Variants in MAGI2 observed in about 807,000 individuals in gnomAD.
The protein encoded by MAGI2 is membrane associated guanylate kinase, WW and PDZ domain containing 2.
In MAGI2, 35 loss-of-function variants were observed where a neutral mutation model predicts 133.3. The observed-to-expected ratio is 0.26, with a 90% CI of 0.20 to 0.35. The LOEUF is 0.35. MAGI2 is among the 10% of genes least tolerant of loss of function. The pLI is 1.00. For missense variants in MAGI2, 1,636 were observed against 1,863.4 expected (o/e 0.88, Z 2.25); for synonymous variants, 729 against 710.6 (o/e 1.03, Z -0.41).
Position 78,018,898 on chromosome 7 carries a change from G to A in MAGI2, c.*417C>T. On this transcript the variant is annotated 3_prime_UTR_variant, in exon 22 of 22. Transcript: ENST00000354212. ...TCTCAGTTTCAGCTTGCTCCGTGCA[G>A]TTTGATTTTTAAGGCGATATTCCAG... 2.6e-6 allele frequency: 1 copy of A among 378,144 alleles called. No homozygotes were observed. Among genetic ancestry groups the A allele is most frequent in the Non-Finnish European group, 4.7e-6 (1 of 213,532 alleles). The allele number at this position is 378,144 out of a possible 1,614,324, so 23.4% of individuals were successfully genotyped here.
At chr7:78,658,021 T>C (rs1389414438) in intron 2 of MAGI2, among the ~76,000 whole-genome samples, 2 of 152,224 alleles carry the variant, frequency 1.3e-5, no homozygotes, top group African/African-American at 2.4e-5. Flanking sequence ...AAAGTGCTCA[T>C]TCCTTTTCTA....
At chr7:78,020,045 G>T in intron 21 of MAGI2, 69 bp from the exon 22 acceptor site, 1 of 1,385,988 alleles carries the variant, frequency 7.2e-7, no homozygotes, top group Admixed American at 2.6e-5. Flanking sequence ...TCTACGCCGG[G>T]GACAGGGGCA....
chr7:78,467,652 C>T (rs1327491791), intron 6 of MAGI2, among the ~76,000 whole-genome samples: 1 of 151,606 alleles, frequency 6.6e-6, no homozygotes, highest in African/African-American at 2.4e-5. Flanking sequence ...AGCAACACCT[C>T]ATATTAGAAA....
At chr7:78,383,608 A>C (rs1795119996) in intron 6 of MAGI2, among the ~76,000 whole-genome samples, 1 of 151,948 alleles carries the variant, frequency 6.6e-6, no homozygotes, top group African/African-American at 2.4e-5. Context: ...TTAGTTTAAC[A>C]TAGTTCACTT....
rs548516363 is a variant in MAGI2 at position 79,330,296 on chromosome 7, C to T, written c.301+122724G>A. Among the ~76,000 whole-genome samples the T allele has an allele frequency of 9.6e-5, 14 of 146,086 alleles. No individual in the cohort carries two copies. In the East Asian group the frequency reaches 2.3e-3, roughly 24 times the overall value. On this transcript the variant is annotated intron_variant, in intron 1 of 21. Transcript: ENST00000354212. Reference sequence around the variant, plus strand: ...GCAAGCTCCGCCTTCCAGGTTCATGCCATTCTTCTGCCTTAGCCTCCCAAA... The same window carrying T: ...GCAAGCTCCGCCTTCCAGGTTCATGTCATTCTTCTGCCTTAGCCTCCCAAA...
chr7:78,673,593 C>G (rs1814650948), intron 2 of MAGI2, among the ~76,000 whole-genome samples: 1 of 151,996 alleles, frequency 6.6e-6, no homozygotes. Context: ...CTCAGAGTAT[C>G]CAGGCAAGAG....
rs570244597 is a variant in MAGI2, at chr7:78,491,299, T to C, written c.966-1459A>G. Among the ~76,000 whole-genome samples the C allele has an allele frequency of 6.6e-5, 10 of 152,226 alleles. No homozygotes were observed. In the East Asian group the frequency reaches 1.5e-3, roughly 24 times the overall value. ...GCTATTCCGAGGTGTTAAATCACTC[T>C]TCAAATAGCATTTTCTGAATGATAA... On this transcript the variant is annotated intron_variant, in intron 5 of 21. Coordinates refer to ENST00000354212, the MANE Select transcript of MAGI2 (RefSeq NM_012301.4).
At chr7:79,148,028 C>A (rs1562940298) in intron 1 of MAGI2, among the ~76,000 whole-genome samples, 1 of 152,164 alleles carries the variant, frequency 6.6e-6, no homozygotes, top group Non-Finnish European at 1.5e-5. Flanking sequence ...CTTTCTGGAG[C>A]ACACGGAAGT....
rs147841873 is a variant in MAGI2, at chr7:78,994,878, A to G, written c.418+12212T>C. ...CATCACCCCCACCCTGATTTGCAAA[A>G]TAAGTGTTTTAATGAAATGCAAGGA... On this transcript the variant is annotated intron_variant, in intron 2 of 21. Coordinates refer to ENST00000354212, the MANE Select transcript of MAGI2 (RefSeq NM_012301.4). Among the ~76,000 whole-genome samples the G allele has an allele frequency of 2.8e-3, 428 of 152,166 alleles. 4 individuals carry two copies. The highest frequency in any genetic ancestry group is 9.2e-3 in the African/African-American group (380 of 41,520).
intron 1 of MAGI2, among the ~76,000 whole-genome samples, chr7:79,433,527 T>TG (rs1419019789): frequency 6.6e-6 from 1 of 151,228 alleles, no homozygotes; most frequent in Non-Finnish European, 1.5e-5. Context: ...CACTCCAGCC[T>TG]GGGCGACAGA....
intron 1 of MAGI2, among the ~76,000 whole-genome samples, chr7:79,374,141 T>A (rs1486514011): frequency 6.6e-6 from 1 of 152,020 alleles, no homozygotes; most frequent in African/African-American, 2.4e-5. Flanking sequence ...TTGGGAAATA[T>A]GTATGTGAGT....
intron 2 of MAGI2, among the ~76,000 whole-genome samples, chr7:78,936,111 A>G (rs1800494735): frequency 6.6e-6 from 1 of 152,158 alleles, no homozygotes; most frequent in Non-Finnish European, 1.5e-5. Context: ...ATTAAAGACA[A>G]TAAATAGAAA....
chr7:78,756,842 C>T (rs1181700351), intron 2 of MAGI2, among the ~76,000 whole-genome samples: 5 of 152,110 alleles, frequency 3.3e-5, no homozygotes, highest in Admixed American at 6.5e-5. Flanking sequence ...TTTTGCTCCT[C>T]TTGCTTCATC....
intron 6 of MAGI2, among the ~76,000 whole-genome samples, chr7:78,441,654 G>GAAA (rs5885063): frequency 1.4e-5 from 2 of 146,632 alleles, no homozygotes; most frequent in Non-Finnish European, 3.0e-5. Flanking sequence ...TAATTTTAAG[G>GAAA]AAAAAAAAAA....
chr7:78,225,910 G>A (rs966705762), intron 10 of MAGI2, among the ~76,000 whole-genome samples: 4 of 152,200 alleles, frequency 2.6e-5, no homozygotes, highest in Non-Finnish European at 5.9e-5. Context: ...CAGCCACATT[G>A]TACAACGCCG....
chr7:79,057,743 G>A (rs1053981208), intron 1 of MAGI2, among the ~76,000 whole-genome samples: 2 of 152,014 alleles, frequency 1.3e-5, no homozygotes, highest in African/African-American at 2.4e-5. Context: ...TTTCTACCTG[G>A]CCTCATGTGT....
chr7:79,169,226 C>T (rs955094584), intron 1 of MAGI2, among the ~76,000 whole-genome samples: 3 of 151,796 alleles, frequency 2.0e-5, no homozygotes, highest in Non-Finnish European at 4.4e-5. Context: ...TGAGCTGGAC[C>T]GTTTTCAGTT....
chr7:78,404,910 A>G (rs1221896613), intron 6 of MAGI2, among the ~76,000 whole-genome samples: 1 of 152,202 alleles, frequency 6.6e-6, no homozygotes, highest in Non-Finnish European at 1.5e-5. Flanking sequence ...AAATTTTGCA[A>G]TCTACCCATC....
At chr7:78,865,771 A>C (rs575340441) in intron 2 of MAGI2, among the ~76,000 whole-genome samples, 1 of 152,332 alleles carries the variant, frequency 6.6e-6, no homozygotes, top group Non-Finnish European at 1.5e-5. Flanking sequence ...AATTCTTTTC[A>C]AATTCTTCAT....
Sources: gnomAD v4.1 joint callset for allele counts (sites outside exome capture counted in the v4.1 genomes callset) on GRCh38, gnomAD v4.1.1 for gene constraint, MANE v1.5 for transcripts, NCBI Gene and HGNC (gene_info 2026-07-23, HGNC 2026-07-21) for gene names.